The following AFF3 variants were observed in gnomAD, a reference collection of about 807,000 sequenced individuals.
AFF3 encodes the protein ALF transcription elongation factor 3, also known as AF4/FMR2 family member 3.
Under a neutral mutation model 129.7 loss-of-function variants are expected in AFF3, and 32 were observed. The ratio of observed to expected loss-of-function variants is 0.25; its 90% CI spans 0.19 to 0.33. AFF3 has a LOEUF of 0.33. Among genes scored for constraint, AFF3 ranks in the 10% least tolerant of loss-of-function variants. The probability of loss-of-function intolerance (pLI) is 1.00; values close to 1 mark genes in which losing one functional copy is unlikely to be tolerated. For missense variants in AFF3, 1,373 were observed against 1,592.0 expected, an observed-to-expected ratio of 0.86 and a Z score of 2.34; for synonymous variants, 644 against 635.4, an observed-to-expected ratio of 1.01 and a Z score of -0.20.
intron 19 of AFF3, 99 bp from the exon 20 acceptor site, chr2:99,565,722 G>T: frequency 7.7e-7 from 1 of 1,306,402 alleles, no homozygotes; most frequent in Non-Finnish European, 1.1e-6. Flanking sequence ...ACCCAACTCT[G>T]ACTTCTAAAA....
chr2:99,961,881 C>T (rs539035652), intron 7 of AFF3, among the ~76,000 whole-genome samples: 13 of 152,268 alleles, frequency 8.5e-5, no homozygotes, highest in South Asian at 8.3e-4. Context: ...GGGTGGAATC[C>T]GCAAGGCGGA....
At chr2:99,994,480 A>C (rs1050781148) in intron 7 of AFF3, among the ~76,000 whole-genome samples, 2 of 152,240 alleles carry the variant, frequency 1.3e-5, no homozygotes, top group African/African-American at 2.4e-5. Context: ...TTCATTATCC[A>C]AATTATCTAA....
At chr2:99,828,080 C>T (rs1688229996) in intron 8 of AFF3, among the ~76,000 whole-genome samples, 1 of 152,084 alleles carries the variant, frequency 6.6e-6, no homozygotes, top group African/African-American at 2.4e-5. Context: ...GATGAGAAAA[C>T]CTTACTCTGT....
At chr2:99,875,502 G>C (rs907889108) in intron 7 of AFF3, among the ~76,000 whole-genome samples, 1 of 152,136 alleles carries the variant, frequency 6.6e-6, no homozygotes, top group Non-Finnish European at 1.5e-5. Context: ...TCTGGGTAGA[G>C]ACCTTGCATT....
chr2:99,649,954 T>G (rs1206111504), intron 12 of AFF3, among the ~76,000 whole-genome samples: 1 of 152,216 alleles, frequency 6.6e-6, no homozygotes, highest in East Asian at 1.9e-4. Flanking sequence ...TGGACAGGCC[T>G]CTGGAAATTG....
chr2:99,826,390 A>C (rs1688083440), intron 8 of AFF3, among the ~76,000 whole-genome samples: 2 of 152,344 alleles, frequency 1.3e-5, no homozygotes, highest in South Asian at 4.1e-4. Context: ...ACAACAGCCC[A>C]GGAGAAAATA....
chr2:99,889,391 T>G lies in AFF3; in HGVS notation c.874-51867A>C, dbSNP rs142010626. ...TTTAAGGTGTTATGAATAATCCATT[T>G]GAAATATATTTATTAGCAGAGGTAC... On this transcript the variant is annotated intron_variant, in intron 7 of 24. Transcript: ENST00000672756. Among the ~76,000 whole-genome samples the G allele has an allele frequency of 4.6e-5, 7 of 152,360 alleles. No individual in the cohort carries two copies. In the East Asian group the frequency reaches 1.4e-3, roughly 29 times the overall value.
chr2:99,545,776 A>T lies in AFF3; in HGVS notation c.*5698T>A, dbSNP rs1323351617. 1 of 176,576 alleles carries T rather than the reference A, an allele frequency of 5.7e-6. No individual in the cohort carries two copies. Among genetic ancestry groups the T allele is most frequent in the African/African-American group, 2.4e-5 (1 of 42,184 alleles). The allele number at this position is 176,576 out of a possible 1,614,324, so 10.9% of individuals were successfully genotyped here. A position where few individuals can be genotyped will look rare whatever the true frequency, so the allele number is the denominator to read the frequency against. On this transcript the variant is annotated 3_prime_UTR_variant, in exon 25 of 25. Transcript: ENST00000672756. ...CTGTGAGTAAGAGCTGTGAACCTAAATCCCCTTGCAGCCAACACAAAATTT... is the reference window on the plus strand; with the variant it reads ...CTGTGAGTAAGAGCTGTGAACCTAATTCCCCTTGCAGCCAACACAAAATTT...
intron 12 of AFF3, among the ~76,000 whole-genome samples, chr2:99,662,967 C>G (rs1036975084): frequency 6.6e-6 from 1 of 152,184 alleles, no homozygotes; most frequent in African/African-American, 2.4e-5. Context: ...TAAATTTTCA[C>G]AGGCCAAGAG....
intron 13 of AFF3, 66 bp downstream of exon 13, chr2:99,649,560 G>T (rs1020301062): frequency 2.0e-6 from 3 of 1,516,234 alleles, no homozygotes; most frequent in Non-Finnish European, 2.7e-6. Context: ...TGAATTATAT[G>T]CCACAATAAA....
At chr2:100,019,945 C>CT (rs958809090) in intron 4 of AFF3, among the ~76,000 whole-genome samples, 2 of 152,160 alleles carry the variant, frequency 1.3e-5, no homozygotes, top group African/African-American at 2.4e-5. Context: ...TCTCAATTGG[C>CT]TTTTTTGAAT....
intron 18 of AFF3, among the ~76,000 whole-genome samples, chr2:99,574,299 A>G (rs1368068193): frequency 1.3e-5 from 2 of 152,210 alleles, no homozygotes; most frequent in African/African-American, 4.8e-5. Context: ...ACTGCCACCA[A>G]TATGAGCCCA....
chr2:100,107,542 A>G (rs929318808), intron 2 of AFF3: 2 of 981,116 alleles, frequency 2.0e-6, no homozygotes, highest in Non-Finnish European at 2.4e-6. Context: ...TGCTCATCCT[A>G]TAGTGCTTGT....
At chr2:99,649,703 T>C (rs1685056421) in intron 12 of AFF3, 37 bp from the exon 13 acceptor site, 1 of 1,612,398 alleles carries the variant, frequency 6.2e-7, no homozygotes, top group African/African-American at 1.3e-5. Context: ...TTATTTAATA[T>C]TCTGACTTTT....
chr2:99,728,798 A>G (rs759595776), intron 10 of AFF3, among the ~76,000 whole-genome samples: 1 of 152,266 alleles, frequency 6.6e-6, no homozygotes, highest in African/African-American at 2.4e-5. Context: ...AGGCTAAAGT[A>G]GCAAATTAAT....
chr2:99,775,161 G>A (rs1365182055), intron 8 of AFF3, among the ~76,000 whole-genome samples: 3 of 152,156 alleles, frequency 2.0e-5, no homozygotes, highest in Non-Finnish European at 4.4e-5. Flanking sequence ...TTCAACCATC[G>A]TGGAAGACAG....
chr2:99,627,657 GA>G (rs1171744007), intron 13 of AFF3, among the ~76,000 whole-genome samples: 2 of 152,088 alleles, frequency 1.3e-5, no homozygotes, highest in East Asian at 3.8e-4. Flanking sequence ...CCATTCATAT[GA>G]CCAGAATATT....
chr2:100,013,335 T>C (rs1302865271), intron 4 of AFF3, among the ~76,000 whole-genome samples: 1 of 152,234 alleles, frequency 6.6e-6, no homozygotes, highest in Non-Finnish European at 1.5e-5. Context: ...GGCTTTTCTC[T>C]TCCATTGAGC....
intron 7 of AFF3, among the ~76,000 whole-genome samples, chr2:99,941,859 G>A (rs1409287117): frequency 2.0e-5 from 3 of 152,216 alleles, no homozygotes; most frequent in African/African-American, 7.2e-5. Context: ...ACATCACGGA[G>A]CCTCTGCTCC....
Sources: allele counts gnomAD v4.1 joint callset (sites outside exome capture counted in the v4.1 genomes callset), GRCh38; gene constraint gnomAD v4.1.1; transcripts MANE v1.5; gene names NCBI Gene and HGNC (gene_info 2026-07-23, HGNC 2026-07-21).